The following AKR1C8 variants were observed in gnomAD, a reference collection of about 807,000 sequenced individuals.
AKR1C8 encodes the protein aldo-keto reductase family 1 member C8, also known as aldo-keto reductase family 1 member C-like protein 1.
At chr10:5,155,543 G>T in the AKR1C8 span, 2 of 321,636 alleles carry the variant, frequency 6.2e-6, no homozygotes, top group South Asian at 5.4e-5. Context: ...TGGTCTGAAG[G>T]CTACAGGGCA....
At chr10:5,154,633 ACATTTTTCT>A in the AKR1C8 span, 1 of 152,326 alleles carries the variant, frequency 6.6e-6, no homozygotes, top group African/African-American at 2.4e-5. Flanking sequence ...GTTACTTCCC[ACATTTTTCT>A]CATTGAAAAT....
At chr10:5,148,703 A>C in the AKR1C8 span, among the ~76,000 whole-genome samples, 1 of 152,286 alleles carries the variant, frequency 6.6e-6, no homozygotes, top group Non-Finnish European at 1.5e-5. Flanking sequence ...TTTATATAGG[A>C]TATAGTAAGC....
the AKR1C8 span, among the ~76,000 whole-genome samples, chr10:5,167,703 A>G: frequency 1.3e-5 from 2 of 152,162 alleles, no homozygotes; most frequent in Non-Finnish European, 2.9e-5. Context: ...TGGATGCAGC[A>G]CACCAACATG....
chr10:5,172,363 T>A, the AKR1C8 span, among the ~76,000 whole-genome samples: 1 of 152,086 alleles, frequency 6.6e-6, no homozygotes, highest in Non-Finnish European at 1.5e-5. Flanking sequence ...TAAGGTTTTT[T>A]AAATATAAGT....
chr10:5,175,996 T>C, the AKR1C8 span, among the ~76,000 whole-genome samples: 182 of 152,254 alleles, frequency 1.2e-3, 1 homozygote, highest in African/African-American at 4.3e-3. Flanking sequence ...ATCCCATTTG[T>C]CAATTTTGTC....
At chr10:5,140,991 TTC>T in the AKR1C8 span, among the ~76,000 whole-genome samples, 28 of 152,168 alleles carry the variant, frequency 1.8e-4, no homozygotes, top group Non-Finnish European at 3.5e-4. Flanking sequence ...CATGAAAGAT[TTC>T]TCTGTAGAGA....
At chr10:5,123,515 G>A in the AKR1C8 span, 6 of 562,332 alleles carry the variant, frequency 1.1e-5, no homozygotes, top group Admixed American at 6.5e-5. Context: ...ACAGACTAAG[G>A]TGTTCATTCT....
chr10:5,158,581 T>G, the AKR1C8 span: 1 of 460,512 alleles, frequency 2.2e-6, no homozygotes, highest in Non-Finnish European at 4.5e-6. Context: ...ATAGGTTAAC[T>G]CTTTGACATT....
the AKR1C8 span, among the ~76,000 whole-genome samples, chr10:5,174,240 C>T: frequency 1.3e-5 from 2 of 150,586 alleles, no homozygotes; most frequent in East Asian, 1.9e-4. Context: ...AGATCTTCTT[C>T]TGTCTATAGA....
chr10:5,153,162 G>A, the AKR1C8 span, among the ~76,000 whole-genome samples: 2 of 151,980 alleles, frequency 1.3e-5, no homozygotes, highest in East Asian at 1.9e-4. Flanking sequence ...TTTTTATTTT[G>A]TTTAATTTTT....
At chr10:5,160,034 C>T in the AKR1C8 span, 1 of 323,622 alleles carries the variant, frequency 3.1e-6, no homozygotes, top group South Asian at 2.3e-5. Context: ...GGTGATAGAC[C>T]TTTAGTGTAA....
the AKR1C8 span, among the ~76,000 whole-genome samples, chr10:5,177,767 A>T: frequency 8.5e-5 from 13 of 152,150 alleles, no homozygotes; most frequent in African/African-American, 3.1e-4. Flanking sequence ...TTATTTGCAT[A>T]GAGGTGTTTG....
the AKR1C8 span, among the ~76,000 whole-genome samples, chr10:5,124,017 A>G: frequency 2.6e-5 from 4 of 152,166 alleles, no homozygotes; most frequent in Admixed American, 2.0e-4. Context: ...ATACATAGAA[A>G]TGTCATTTCT....
At chr10:5,166,087 C>T in the AKR1C8 span, among the ~76,000 whole-genome samples, 1 of 152,080 alleles carries the variant, frequency 6.6e-6, no homozygotes. Context: ...TAAGGGACAT[C>T]TTTTCTCCTC....
chr10:5,168,180 A>G, the AKR1C8 span, among the ~76,000 whole-genome samples: 1 of 152,074 alleles, frequency 6.6e-6, no homozygotes, highest in Non-Finnish European at 1.5e-5. Flanking sequence ...GAGGTTTCCT[A>G]TGTGCAAGCT....
chr10:5,149,764 C>T, the AKR1C8 span, among the ~76,000 whole-genome samples: 1 of 151,928 alleles, frequency 6.6e-6, no homozygotes, highest in Non-Finnish European at 1.5e-5. Context: ...TGTCTTATTC[C>T]AAAAACAAAC....
the AKR1C8 span, among the ~76,000 whole-genome samples, chr10:5,150,671 C>T: frequency 2.0e-5 from 3 of 151,970 alleles, no homozygotes; most frequent in African/African-American, 7.2e-5. Flanking sequence ...AGCCTTAAGA[C>T]ATTTTATACC....
the AKR1C8 span, among the ~76,000 whole-genome samples, chr10:5,124,110 G>C: frequency 2.7e-4 from 41 of 152,248 alleles, 2 homozygotes; most frequent in South Asian, 8.3e-3. Context: ...TCCAGCTCTG[G>C]GATAGGGTAG....
the AKR1C8 span, among the ~76,000 whole-genome samples, chr10:5,120,766 T>TG: frequency 9.3e-3 from 1,413 of 152,238 alleles, 33 homozygotes; most frequent in African/African-American, 0.033. Flanking sequence ...CACATATTTT[T>TG]GGGGGGGACT....
Sources: gnomAD v4.1 joint callset for allele counts (sites outside exome capture counted in the v4.1 genomes callset) on GRCh38, gnomAD v4.1.1 for gene constraint, MANE v1.5 for transcripts, NCBI Gene and HGNC (gene_info 2026-07-23, HGNC 2026-07-21) for gene names.